DNASE1L3: variants seen among roughly 807,000 people sequenced by gnomAD.
The protein encoded by DNASE1L3 is deoxyribonuclease 1L3, also known as deoxyribonuclease gamma.
Under a neutral mutation model 30.9 loss-of-function variants are expected in DNASE1L3, and 27 were observed. The observed-to-expected ratio is 0.87, with a 90% CI of 0.64 to 1.20. The LOEUF is 1.20. Ranked by LOEUF, DNASE1L3 falls within the 50% of genes most tolerant of loss-of-function variation. The pLI, the probability that DNASE1L3 is intolerant of heterozygous loss-of-function variation, is 0.00. For synonymous variants in DNASE1L3, 135 were observed against 138.0 expected (o/e 0.98, Z 0.15); for missense variants, 364 against 378.2 (o/e 0.96, Z 0.31).
At chr3:58,205,638 G>A in intron 2 of DNASE1L3, 78 bp from the exon 3 acceptor site, 2 of 1,200,936 alleles carry the variant, frequency 1.7e-6, no homozygotes, top group South Asian at 2.5e-5. Flanking sequence ...TTTCCAATCT[G>A]CCTCCATACG....
chr3:58,200,942 G>A lies in DNASE1L3; in HGVS notation c.546+55C>T. The stretch of plus-strand genomic sequence containing the variant: ...CCTGGAGAGGTACTCATCCCACTCA[G>A]GGACCAGAGCCTGCCCCTGCTAGAT... On this transcript the variant is annotated intron_variant, in intron 5 of 7. Coordinates refer to ENST00000394549, the MANE Select transcript of DNASE1L3 (RefSeq NM_004944.4). The surrounding 1 kb of genome is among the most constrained non-coding windows in gnomAD (Gnocchi z 4.2). The A allele has an allele frequency of 6.7e-7, 1 of 1,485,330 alleles. No individual in the cohort carries two copies. The highest frequency in any genetic ancestry group is 1.2e-5 in the South Asian group (1 of 83,570). The allele number at this position is 1,485,330 out of a possible 1,614,324, so 92.0% of individuals were successfully genotyped here.
At chr3:58,209,177 C>T (rs1187692787) in intron 1 of DNASE1L3, among the ~76,000 whole-genome samples, 1 of 152,176 alleles carries the variant, frequency 6.6e-6, no homozygotes, top group East Asian at 1.9e-4. Context: ...TGTGAGTGCC[C>T]TGTAGGGTAG....
chr3:58,199,936 C>T lies in DNASE1L3; in HGVS notation c.546+1061G>A, dbSNP rs561578475. Among the ~76,000 whole-genome samples, 19 of 152,254 alleles carry T rather than the reference C, an allele frequency of 1.2e-4. No homozygotes were observed. The East Asian group carries it at 3.7e-3, about 29-fold the overall frequency. On this transcript the variant is annotated intron_variant, in intron 5 of 7. Coordinates refer to ENST00000394549, the MANE Select transcript of DNASE1L3 (RefSeq NM_004944.4). ...TTCACACTTTATTTGATTCATTTTG[C>T]ATTTGAGCAGCAGAACTCAAGAGGA... is the stretch of plus-strand genomic sequence containing the variant.
chr3:58,201,226 C>A, intron 4 of DNASE1L3, 117 bp from the exon 5 acceptor site: 1 of 677,032 alleles, frequency 1.5e-6, no homozygotes, highest in Non-Finnish European at 2.4e-6. Flanking sequence ...ATCTGGGTCC[C>A]CAGTTCCCAG....
At chr3:58,202,296 C>T (rs988903324) in intron 4 of DNASE1L3, among the ~76,000 whole-genome samples, 1 of 148,306 alleles carries the variant, frequency 6.7e-6, no homozygotes, top group Non-Finnish European at 1.5e-5. Flanking sequence ...CAGGCATGCA[C>T]CATCATGCCT....
chr3:58,209,671 G>T (rs1429261914), intron 1 of DNASE1L3, among the ~76,000 whole-genome samples: 1 of 152,210 alleles, frequency 6.6e-6, no homozygotes, highest in Non-Finnish European at 1.5e-5. Flanking sequence ...TGCAGGCTCT[G>T]CTGGGTGCCT....
chr3:58,205,417 T>C (rs1429208661), intron 3 of DNASE1L3, 54 bp downstream of exon 3: 2 of 1,480,896 alleles, frequency 1.4e-6, no homozygotes, highest in Non-Finnish European at 1.9e-6. Flanking sequence ...TGCATTTTGA[T>C]TCAATTCACG....
rs866457197 is a variant in DNASE1L3, at chr3:58,200,793, T to G, written c.546+204A>C. Among the ~76,000 whole-genome samples the G allele has an allele frequency of 6.6e-6, 1 of 152,206 alleles. No homozygotes were observed. The highest frequency in any genetic ancestry group is 2.4e-5 in the African/African-American group (1 of 41,454). On this transcript the variant is annotated intron_variant, in intron 5 of 7. Transcript: ENST00000394549. This position sits in a 1 kb window ranked among gnomAD's most constrained non-coding sequence, Gnocchi z 4.2. The stretch of plus-strand genomic sequence containing the variant: ...TGTTATTAATGGGAAAGTGTGGCAA[T>G]TCCCAAGGCCCACATGCAGGGTACC...
In DNASE1L3 at chr3:58,197,778, C is replaced by G. The variant is rs1176405966; in HGVS notation, c.704+43G>C. The G allele has an allele frequency of 6.2e-7, 1 of 1,612,034 alleles. No homozygotes were observed. Among genetic ancestry groups the G allele is most frequent in the African/African-American group, 1.3e-5 (1 of 74,858 alleles). On this transcript the variant is annotated intron_variant, in intron 6 of 7. Coordinates refer to ENST00000394549, the MANE Select transcript of DNASE1L3 (RefSeq NM_004944.4). The surrounding 1 kb of genome is among the most constrained non-coding windows in gnomAD (Gnocchi z 5.3). Reference sequence around the variant, plus strand: ...ACCTTGCGTCTTTCCTAGTGCACACCAAGCACTGTGGTGAGCCAGCAGCAC... The same window carrying G: ...ACCTTGCGTCTTTCCTAGTGCACACGAAGCACTGTGGTGAGCCAGCAGCAC...
At chr3:58,210,254 AAGAAAG>A (rs2097406867) in intron 1 of DNASE1L3, among the ~76,000 whole-genome samples, 3 of 151,480 alleles carry the variant, frequency 2.0e-5, no homozygotes, top group East Asian at 1.9e-4. Flanking sequence ...AAAAGAAAGA[AAGAAAG>A]AGAGAAAGAA....
chr3:58,195,711 G>A (rs984748512), intron 6 of DNASE1L3, among the ~76,000 whole-genome samples: 6 of 149,106 alleles, frequency 4.0e-5, no homozygotes, highest in African/African-American at 5.0e-5. Flanking sequence ...GCTTGAACCC[G>A]GGAGGCGGAG....
At chr3:58,199,484 A>G (rs748859744) in intron 5 of DNASE1L3, among the ~76,000 whole-genome samples, 4 of 152,202 alleles carry the variant, frequency 2.6e-5, no homozygotes, top group Non-Finnish European at 5.9e-5. Context: ...AGCCTGGCCA[A>G]CATGGTGAAA....
At chr3:58,194,788 G>A (rs1168036306) in intron 6 of DNASE1L3, among the ~76,000 whole-genome samples, 2 of 151,772 alleles carry the variant, frequency 1.3e-5, no homozygotes, top group Admixed American at 6.6e-5. Context: ...ACCACGCCTG[G>A]CTAATTTTTT....
At chr3:58,201,199 A>G (rs1214904507) in intron 4 of DNASE1L3, 90 bp from the exon 5 acceptor site, 34 of 952,002 alleles carry the variant, frequency 3.6e-5, no homozygotes, top group Non-Finnish European at 5.1e-5. Context: ...TCCCCTCCAG[A>G]AGGCACAGGC....
chr3:58,205,483 G>A lies in DNASE1L3; in HGVS notation c.308C>T (p.Ala103Val), dbSNP rs1422662566. The change falls in exon 3 of 8, where the codon GCC (alanine) becomes GTC (valine). Residue 103 changes from alanine to valine, a missense_variant. Transcript: ENST00000394549. ...LGRNTYKEQY[A>V]FLYKEKLVSV... ...AGGTGATACTTACTTGTAGAGAAAG[G>A]CATATTGTTCTTTATATGTGTTTCT... is the stretch of plus-strand genomic sequence containing the variant. 2 of 1,613,534 alleles carry A rather than the reference G, an allele frequency of 1.2e-6. No individual in the cohort carries two copies. The highest frequency in any genetic ancestry group is 3.3e-5 in the Admixed American group (2 of 60,022).
At position 58,192,806 on chromosome 3, in the gene DNASE1L3, A is replaced by G. The variant is rs750128475; in HGVS notation, c.802-3T>C. 8.7e-6 allele frequency: 14 copies of G among 1,611,812 alleles called. No homozygotes were observed. Among genetic ancestry groups the G allele is most frequent in the Admixed American group, 6.7e-5 (4 of 59,378 alleles). ...AAGTGGTCGCTGACATCCAGGGCCT[A>G]TAAGGAGAAAGGGGAGGTAGACATG... is the stretch of plus-strand genomic sequence containing the variant. On this transcript the variant is annotated splice_region_variant and splice_polypyrimidine_tract_variant and intron_variant, in intron 7 of 7. Transcript: ENST00000394549. This position sits in a 1 kb window ranked among gnomAD's most constrained non-coding sequence, Gnocchi z 4.8.
Position 58,192,478 on chromosome 3 carries a change from G to T in DNASE1L3, c.*209C>A. 2.3e-6 allele frequency: 1 copy of T among 431,782 alleles called. No individual in the cohort carries two copies. The allele number at this position is 431,782 out of a possible 1,614,324, so 26.7% of individuals were successfully genotyped here. A position where few individuals can be genotyped will look rare whatever the true frequency, so the allele number is the denominator to read the frequency against. On this transcript the variant is annotated 3_prime_UTR_variant, in exon 8 of 8. Coordinates refer to ENST00000394549, the MANE Select transcript of DNASE1L3 (RefSeq NM_004944.4). This position sits in a 1 kb window ranked among gnomAD's most constrained non-coding sequence, Gnocchi z 4.8. Reference sequence around the variant, plus strand: ...TCATTTTGGTCTACAAATGCCCCTGGTTCCCTTTTAGACAATTCAGGGGAG... The same window carrying T: ...TCATTTTGGTCTACAAATGCCCCTGTTTCCCTTTTAGACAATTCAGGGGAG...
At chr3:58,195,613 CAA>C (rs34773952) in intron 6 of DNASE1L3, among the ~76,000 whole-genome samples, 1 of 38,446 alleles carries the variant, frequency 2.6e-5, no homozygotes, top group African/African-American at 8.7e-5. Context: ...ACTAAAATTA[CAA>C]AAAAAAAAAA....
rs1349825997 is a variant in DNASE1L3 at position 58,210,746 on chromosome 3, C to T, written c.141+20G>A. The T allele has an allele frequency of 6.2e-7, 1 of 1,613,870 alleles. No homozygotes were observed. Among genetic ancestry groups the T allele is most frequent in the Non-Finnish European group, 8.5e-7 (1 of 1,179,932 alleles). On this transcript the variant is annotated intron_variant, in intron 1 of 7. Coordinates refer to ENST00000394549, the MANE Select transcript of DNASE1L3 (RefSeq NM_004944.4). ...GGTGTGAGGGGTGTCTGGGATCCTC[C>T]TCCCAGGAAAGGGGCTCACCTTCAC...
Sources: gnomAD v4.1 joint callset for allele counts (sites outside exome capture counted in the v4.1 genomes callset) on GRCh38, gnomAD v4.1.1 for gene constraint, Gnocchi (gnomAD v3.1) non-coding constraint, MANE v1.5 for transcripts, NCBI Gene and HGNC (gene_info 2026-07-23, HGNC 2026-07-21) for gene names.